SP2: variants seen among roughly 807,000 people sequenced by gnomAD.
SP2 encodes the protein transcription factor Sp2.
Under a neutral mutation model 50.1 loss-of-function variants are expected in SP2, and 9 were observed. That is an observed-to-expected ratio of 0.18 (90% CI 0.11 to 0.31). The LOEUF is 0.31. Ranked by LOEUF, SP2 falls within the 10% of genes least tolerant of loss-of-function variation. The pLI, the probability that SP2 is intolerant of heterozygous loss-of-function variation, is 1.00. For missense variants in SP2, 581 were observed against 806.5 expected (o/e 0.72, Z 3.39); for synonymous variants, 313 against 326.6 (o/e 0.96, Z 0.45).
Position 47,917,626 on chromosome 17 carries a change from T to G in SP2, c.1059+496T>G, listed in dbSNP as rs1468154877. On this transcript the variant is annotated intron_variant, in intron 3 of 6. Coordinates refer to ENST00000376741, the MANE Select transcript of SP2 (RefSeq NM_003110.6). ...TGGAATGTTTGTTTGTTTTAGGGTG[T>G]TTTTTTTTTTTTTGAGATAGGGTCA... is the stretch of plus-strand genomic sequence containing the variant. 0.013 allele frequency among the ~76,000 whole-genome samples: 6 copies of G among 470 alleles called. No individual in the cohort carries two copies. The Non-Finnish European group carries it at 0.36, about 28-fold the overall frequency. 0.3% of individuals were successfully genotyped at this position (470 alleles called of 152,430 possible). A position where few individuals can be genotyped will look rare whatever the true frequency, so the allele number is the denominator to read the frequency against.
chr17:47,929,759 G>A (rs1456433486), downstream of SP2: 2 of 152,656 alleles, frequency 1.3e-5, no homozygotes, highest in Non-Finnish European at 2.9e-5. Flanking sequence ...AAGAGCATCC[G>A]GCCTGAAGAG....
intron 1 of SP2, among the ~76,000 whole-genome samples, chr17:47,914,371 C>CAA (rs34419607): frequency 1.3e-3 from 146 of 112,292 alleles, no homozygotes; most frequent in African/African-American, 4.2e-3. Context: ...AACTCCTTCT[C>CAA]AAAAAAAAAA....
intron 5 of SP2, 45 bp from the exon 6 acceptor site, chr17:47,925,303 C>A: frequency 6.4e-7 from 1 of 1,562,074 alleles, no homozygotes; most frequent in South Asian, 1.2e-5. Flanking sequence ...CCGCTTTTCT[C>A]TCCTCTTCCT....
intron 1 of SP2, among the ~76,000 whole-genome samples, chr17:47,904,865 A>T (rs1315727760): frequency 6.6e-6 from 1 of 152,070 alleles, no homozygotes; most frequent in African/African-American, 2.4e-5. Flanking sequence ...GACTTCCTGG[A>T]CTCAAGCAAT....
intron 1 of SP2, among the ~76,000 whole-genome samples, chr17:47,907,224 C>A (rs2034801170): frequency 6.6e-6 from 1 of 151,882 alleles, no homozygotes; most frequent in Non-Finnish European, 1.5e-5. Flanking sequence ...CAAGTTTGGC[C>A]AAAGGGGTAG....
chr17:47,913,210 C>T (rs1348857884), intron 1 of SP2, among the ~76,000 whole-genome samples: 4 of 151,296 alleles, frequency 2.6e-5, no homozygotes, highest in Non-Finnish European at 2.9e-5. Context: ...TCAACCCCTG[C>T]GCCTTTTTGT....
intron 1 of SP2, among the ~76,000 whole-genome samples, chr17:47,903,385 G>T (rs1273207572): frequency 2.0e-5 from 3 of 152,218 alleles, no homozygotes; most frequent in Non-Finnish European, 2.9e-5. Context: ...GGAAGAAGAG[G>T]CCAGGCGCGG....
intron 3 of SP2, among the ~76,000 whole-genome samples, chr17:47,919,737 C>G (rs945290694): frequency 6.6e-6 from 1 of 151,036 alleles, no homozygotes; most frequent in Non-Finnish European, 1.5e-5. Context: ...CCCACTAATT[C>G]CTTTGTGGCA....
At chr17:47,913,191 T>C (rs1217518076) in intron 1 of SP2, among the ~76,000 whole-genome samples, 1 of 151,518 alleles carries the variant, frequency 6.6e-6, no homozygotes, top group Non-Finnish European at 1.5e-5. Context: ...CCAAATTCCT[T>C]ACAAGGACTC....
chr17:47,925,491 A>G lies in SP2; in HGVS notation c.1691A>G (p.Lys564Arg), dbSNP rs2144079581. 6.2e-7 allele frequency: 1 copy of G among 1,614,232 alleles called. No individual in the cohort carries two copies. Among genetic ancestry groups the G allele is most frequent in the South Asian group, 1.1e-5 (1 of 91,086 alleles). ...GTCTGCAACTGGTTCTTCTGTGGGA[A>G]GAGGTTCACACGGAGTGACGAGCTC... ...PFVCNWFFCG[K>R]RFTRSDELQR... Residue 564 changes from lysine (K) to arginine (R), a missense_variant, in exon 6 of 7, where the codon AAG (lysine) becomes AGG (arginine). Coordinates refer to ENST00000376741, the MANE Select transcript of SP2 (RefSeq NM_003110.6).
rs1340870744 is a variant in SP2, at chr17:47,925,424, C to T, written c.1624C>T (p.Leu542=). The change falls in exon 6 of 7, where the codon CTG becomes TTG. Residue 542 remains leucine (L), a synonymous_variant. Transcript: ENST00000376741. The stretch of plus-strand genomic sequence containing the variant: ...CAAGACGTTCCGTAAGACGTCCTTG[C>T]TGCGTGCCCATGTGCGCCTGCACAC... ...CGKTFRKTSL[L]RAHVRLHTGE... is the part of the protein sequence containing the mutation. 2 of 1,614,242 alleles carry T rather than the reference C, an allele frequency of 1.2e-6. No individual in the cohort carries two copies. The highest frequency in any genetic ancestry group is 1.1e-5 in the South Asian group (1 of 91,088).
Position 47,923,107 on chromosome 17 carries a change from C to T in SP2, c.1205C>T (p.Ser402Leu), listed in dbSNP as rs1419883410. ...CTGAGTGGGACCAGCAAAAAGCACT[C>T]AGCTGCAATTCTCCGAAAAGAGCGT... Reference protein sequence around the residue: ...PHLSGTSKKHSAAILRKERPL... With the variant: ...PHLSGTSKKHLAAILRKERPL... The change falls in exon 4 of 7, where the codon TCA becomes TTA. Residue 402 changes from serine (S) to leucine (L), a missense_variant. Transcript: ENST00000376741. 1 of 1,614,264 alleles carries T rather than the reference C, an allele frequency of 6.2e-7. No individual in the cohort carries two copies. Among genetic ancestry groups the T allele is most frequent in the Non-Finnish European group, 8.5e-7 (1 of 1,180,044 alleles).
At chr17:47,910,981 T>G (rs1598126202) in intron 1 of SP2, among the ~76,000 whole-genome samples, 1 of 152,066 alleles carries the variant, frequency 6.6e-6, no homozygotes, top group African/African-American at 2.4e-5. Context: ...ATCCCAGCAC[T>G]TTTGGAGGTG....
intron 3 of SP2, among the ~76,000 whole-genome samples, chr17:47,919,375 A>G (rs148458612): frequency 6.6e-6 from 1 of 152,302 alleles, no homozygotes; most frequent in East Asian, 1.9e-4. Context: ...ATTCTACTGC[A>G]TTTTAGCCTG....
chr17:47,922,891 C>T, intron 3 of SP2, 71 bp from the exon 4 acceptor site: 1 of 1,392,972 alleles, frequency 7.2e-7, no homozygotes, highest in Middle Eastern at 1.8e-4. Context: ...CTCACTTGGG[C>T]AGGGACATTT....
chr17:47,911,174 C>T (rs1345750252), intron 1 of SP2, among the ~76,000 whole-genome samples: 2 of 151,810 alleles, frequency 1.3e-5, no homozygotes, highest in African/African-American at 2.4e-5. Context: ...TGCGGTGAGC[C>T]GAGATCACGC....
Position 47,914,064 on chromosome 17 carries a change from A to G in SP2, c.8-1248A>G, listed in dbSNP as rs369263975. Among the ~76,000 whole-genome samples the G allele has an allele frequency of 2.4e-4, 36 of 152,262 alleles. 1 individual carries two copies. Among genetic ancestry groups the G allele is most frequent in the African/African-American group, 8.7e-4 (36 of 41,540 alleles). ...CCTATTGTACTATGTAAAAGCGTAA[A>G]TTCAAGTAAAGAATTGACCCATGAG... On this transcript the variant is annotated intron_variant, in intron 1 of 6. Coordinates refer to ENST00000376741, the MANE Select transcript of SP2 (RefSeq NM_003110.6).
rs1253879305 is a variant in SP2 at position 47,925,436 on chromosome 17, G to A, written c.1636G>A (p.Val546Met). The A allele has an allele frequency of 4.3e-6, 7 of 1,614,250 alleles. No individual in the cohort carries two copies. The highest frequency in any genetic ancestry group is 2.2e-5 in the East Asian group (1 of 44,888). ...TAAGACGTCCTTGCTGCGTGCCCATGTGCGCCTGCACACTGGCGAGCGGCC... is the reference window on the plus strand; with the variant it reads ...TAAGACGTCCTTGCTGCGTGCCCATATGCGCCTGCACACTGGCGAGCGGCC... ...FRKTSLLRAH[V>M]RLHTGERPFV... is the part of the protein sequence containing the mutation. The change falls in exon 6 of 7, where the codon GTG becomes ATG. Residue 546 changes from valine (V) to methionine (M), a missense_variant. Transcript: ENST00000376741.
intron 1 of SP2, chr17:47,898,774 G>A (rs192095454): frequency 1.4e-4 from 21 of 152,330 alleles, no homozygotes; most frequent in South Asian, 8.3e-4. Context: ...ATGCAGTAGC[G>A]TGAACACTTC....
Sources: gnomAD v4.1 joint callset for allele counts (sites outside exome capture counted in the v4.1 genomes callset) on GRCh38, gnomAD v4.1.1 for gene constraint, MANE v1.5 for transcripts, NCBI Gene and HGNC (gene_info 2026-07-23, HGNC 2026-07-21) for gene names.